SEMA3A: variants seen among roughly 807,000 people sequenced by gnomAD.
The protein encoded by SEMA3A is semaphorin 3A.
SEMA3A carries 29 observed loss-of-function variants against 97.9 expected under a neutral mutation model. The ratio of observed to expected loss-of-function variants is 0.30; its 90% confidence interval spans 0.22 to 0.40. The LOEUF is 0.40. Among genes scored for constraint, SEMA3A ranks in the 10% least tolerant of loss-of-function variants. The pLI is 1.00. For synonymous variants in SEMA3A, 321 were observed against 323.7 expected (o/e 0.99, Z 0.09); for missense variants, 763 against 951.3 (o/e 0.80, Z 2.60).
chr7:84,170,495 T>C (rs1373747526), intron 1 of SEMA3A, among the ~76,000 whole-genome samples: 2 of 151,994 alleles, frequency 1.3e-5, no homozygotes, highest in Non-Finnish European at 2.9e-5. Context: ...ATTTTATCTG[T>C]TATTTACTAT....
At chr7:84,273,654 T>C (rs900418276) in intron 3 of SEMA3A, among the ~76,000 whole-genome samples, 5 of 152,134 alleles carry the variant, frequency 3.3e-5, no homozygotes, top group South Asian at 2.1e-4. Flanking sequence ...GTAGGCAGCA[T>C]TGAGGGTGCT....
chr7:84,423,845 CATAA>C (rs1037212462), intron 1 of SEMA3A, among the ~76,000 whole-genome samples: 1 of 151,798 alleles, frequency 6.6e-6, no homozygotes, highest in Non-Finnish European at 1.5e-5. Flanking sequence ...GGGCAAATGA[CATAA>C]ATAGACATTT....
chr7:84,101,339 T>A (rs1397450958), intron 4 of SEMA3A, among the ~76,000 whole-genome samples: 1 of 152,196 alleles, frequency 6.6e-6, no homozygotes, highest in African/African-American at 2.4e-5. Context: ...CTTTTCACTA[T>A]TCCAGAGTAA....
chr7:84,083,957 A>G (rs889809828), intron 4 of SEMA3A, among the ~76,000 whole-genome samples: 14 of 152,040 alleles, frequency 9.2e-5, no homozygotes, highest in African/African-American at 3.1e-4. Context: ...TCCATTCACA[A>G]TAACAGCTAA....
chr7:84,294,091 C>T (rs1424787633), intron 3 of SEMA3A, among the ~76,000 whole-genome samples: 1 of 151,890 alleles, frequency 6.6e-6, no homozygotes, highest in African/African-American at 2.4e-5. Context: ...TTAACTTTTC[C>T]CCAGTGATGA....
chr7:84,071,154 GAAAAATTC>G (rs1376953085), intron 4 of SEMA3A, among the ~76,000 whole-genome samples: 1 of 152,062 alleles, frequency 6.6e-6, no homozygotes, highest in Non-Finnish European at 1.5e-5. Context: ...TAATCAAAGG[GAAAAATTC>G]CATTCGTCAG....
At chr7:84,437,392 C>T (rs754190382) in intron 1 of SEMA3A, among the ~76,000 whole-genome samples, 2 of 151,888 alleles carry the variant, frequency 1.3e-5, no homozygotes, top group Non-Finnish European at 2.9e-5. Context: ...AATAGTCCGA[C>T]ATGAACATCA....
intron 4 of SEMA3A, among the ~76,000 whole-genome samples, chr7:84,105,054 G>A (rs1795067848): frequency 6.6e-6 from 1 of 152,082 alleles, no homozygotes; most frequent in Admixed American, 6.6e-5. Flanking sequence ...AGTTGCCAAT[G>A]AATCTCGACT....
intron 4 of SEMA3A, among the ~76,000 whole-genome samples, chr7:84,061,400 G>A (rs1046773606): frequency 1.3e-5 from 2 of 152,146 alleles, no homozygotes; most frequent in African/African-American, 2.4e-5. Context: ...TTGTCAGAAT[G>A]TGTCTACCTA....
At chr7:84,238,749 C>G (rs1227927690) in intron 3 of SEMA3A, among the ~76,000 whole-genome samples, 1 of 151,408 alleles carries the variant, frequency 6.6e-6, no homozygotes, top group Non-Finnish European at 1.5e-5. Flanking sequence ...GAGTCACGCT[C>G]TGTTGCTCAG....
At chr7:83,973,917 T>C (rs79825557) in intron 15 of SEMA3A, among the ~76,000 whole-genome samples, 1 of 147,150 alleles carries the variant, frequency 6.8e-6, no homozygotes, top group Non-Finnish European at 1.5e-5. Context: ...TTTTTTTTTT[T>C]CCTTTCTGGA....
chr7:84,445,022 A>ACC (rs1805373494), intron 1 of SEMA3A, among the ~76,000 whole-genome samples: 1 of 152,118 alleles, frequency 6.6e-6, no homozygotes, highest in Non-Finnish European at 1.5e-5. Flanking sequence ...TTTAAAACTG[A>ACC]TATCTTCTTC....
chr7:84,255,265 T>A (rs1799693293), intron 3 of SEMA3A, among the ~76,000 whole-genome samples: 1 of 152,184 alleles, frequency 6.6e-6, no homozygotes, highest in East Asian at 1.9e-4. Flanking sequence ...GTATATATTA[T>A]CTCTGTTATC....
intron 3 of SEMA3A, among the ~76,000 whole-genome samples, chr7:84,226,084 T>C (rs116900502): frequency 2.4e-3 from 367 of 152,220 alleles, no homozygotes; most frequent in Non-Finnish European, 4.1e-3. Context: ...GGAAAGATAG[T>C]ATATCATCTT....
intron 3 of SEMA3A, among the ~76,000 whole-genome samples, chr7:84,249,525 T>C (rs148485822): frequency 8.7e-4 from 132 of 152,236 alleles, no homozygotes; most frequent in Non-Finnish European, 1.5e-3. Context: ...TGGGTTAAGA[T>C]ATATTTTTCA....
intron 3 of SEMA3A, among the ~76,000 whole-genome samples, chr7:84,220,088 G>A (rs1798842280): frequency 6.6e-6 from 1 of 152,080 alleles, no homozygotes; most frequent in Non-Finnish European, 1.5e-5. Flanking sequence ...CTCAAACCCT[G>A]CCCATGCATT....
intron 2 of SEMA3A, among the ~76,000 whole-genome samples, chr7:84,353,124 A>G (rs1802474299): frequency 6.6e-6 from 1 of 151,794 alleles, no homozygotes; most frequent in Admixed American, 6.6e-5. Context: ...TACCCAATAT[A>G]ATGTAAATGT....
At chr7:84,483,053 A>G (rs942917468) in intron 1 of SEMA3A, among the ~76,000 whole-genome samples, 5 of 152,180 alleles carry the variant, frequency 3.3e-5, no homozygotes, top group African/African-American at 1.2e-4. Flanking sequence ...AATCAAAACT[A>G]TAAATAATGA....
chr7:84,302,466 A>C (rs1327059407), intron 3 of SEMA3A, among the ~76,000 whole-genome samples: 2 of 152,136 alleles, frequency 1.3e-5, no homozygotes, highest in Non-Finnish European at 2.9e-5. Context: ...TTTTATGCAG[A>C]GTGTTTTGCC....
Sources: gnomAD v4.1 joint callset for allele counts (sites outside exome capture counted in the v4.1 genomes callset) on GRCh38, gnomAD v4.1.1 for gene constraint, MANE v1.5 for transcripts, NCBI Gene and HGNC (gene_info 2026-07-23, HGNC 2026-07-21) for gene names.